SEC14L3: variants seen among roughly 807,000 people sequenced by gnomAD.
The protein encoded by SEC14L3 is SEC14 like lipid binding 3.
A neutral mutation model predicts 57.4 loss-of-function variants in SEC14L3; 56 were observed. The ratio of observed to expected loss-of-function variants is 0.97; its 90% CI spans 0.79 to 1.22. The LOEUF (loss-of-function observed/expected upper bound fraction) is 1.22. Among genes scored for constraint, SEC14L3 ranks in the 50% most tolerant of loss-of-function variants. SEC14L3 has a pLI of 0.00. For synonymous variants in SEC14L3, 173 were observed against 194.4 expected (o/e 0.89, Z 0.92); for missense variants, 485 against 511.7 (o/e 0.95, Z 0.50).
chr22:30,455,415 A>G (rs1834358820), downstream of SEC14L3, among the ~76,000 whole-genome samples: 1 of 150,226 alleles, frequency 6.7e-6, no homozygotes, highest in African/African-American at 2.5e-5. Context: ...CGCCCAGCTA[A>G]TTTTTATATT....
rs201703799 is a variant in SEC14L3 at position 30,461,624 on chromosome 22, G to A, written c.842C>T (p.Ser281Leu). The A allele has an allele frequency of 7.7e-5, 125 of 1,614,038 alleles. No individual in the cohort carries two copies. The highest frequency in any genetic ancestry group is 1.6e-4 in the Middle Eastern group (1 of 6,062). ...TGATGAGCCGCGGTTGATCTGCACC[G>A]AGTGCTCGTACTGAGTCTTCACCTG... is the stretch of plus-strand genomic sequence containing the variant. ...RDQVKTQYEH[S>L]VQINRGSSHQ... The change falls in exon 10 of 12, where the codon TCG (serine) becomes TTG (leucine). Residue 281 changes from serine (S) to leucine (L), a missense_variant. By Grantham distance (145) the Ser-to-Leu change is moderately radical. Transcript: ENST00000215812.
At chr22:30,468,281 G>GA (rs1569231362) in intron 5 of SEC14L3, among the ~76,000 whole-genome samples, 1 of 81,826 alleles carries the variant, frequency 1.2e-5, no homozygotes, top group Non-Finnish European at 2.2e-5. Flanking sequence ...TCTGTCTCAA[G>GA]CAAAAAAAAA....
At chr22:30,448,963 A>C in exon 13 of SEC14L3, 1 of 874,540 alleles carries the variant, frequency 1.1e-6, no homozygotes, top group Non-Finnish European at 1.8e-6. Flanking sequence ...CTGAGTATAG[A>C]TAACCCCTCT....
intron 8 of SEC14L3, among the ~76,000 whole-genome samples, chr22:30,464,457 T>C (rs1018945133): frequency 6.6e-6 from 1 of 152,052 alleles, no homozygotes; most frequent in African/African-American, 2.4e-5. Context: ...TTGAGATAGG[T>C]TCTCACTCTG....
chr22:30,469,318 A>AG (rs113132041), intron 4 of SEC14L3, among the ~76,000 whole-genome samples: 106,255 of 151,150 alleles, frequency 0.7, 38,379 homozygotes, highest in African/African-American at 0.86. Context: ...CCAAAAAAAA[A>AG]AAAAAAAAGC....
At chr22:30,464,296 T>A (rs1935350593) in intron 8 of SEC14L3, among the ~76,000 whole-genome samples, 1 of 152,156 alleles carries the variant, frequency 6.6e-6, no homozygotes, top group Admixed American at 6.5e-5. Flanking sequence ...GCAACCAAAC[T>A]GAAACCAGTG....
Position 30,471,056 on chromosome 22 carries a change from T to G in SEC14L3, c.55-474A>C, listed in dbSNP as rs548190280. ...TCCCAGCACTTTAGGAGGCTGAGGT[T>G]GGTGGATCACCTGAGGTCAGGAGTT... On this transcript the variant is annotated intron_variant, in intron 1 of 11. Coordinates refer to ENST00000215812, the MANE Select transcript of SEC14L3 (RefSeq NM_174975.5). 2.1e-3 allele frequency: 668 copies of G among 319,532 alleles called. 2 individuals carry two copies. The highest frequency in any genetic ancestry group is 3.8e-3 in the South Asian group (154 of 40,220). The allele number at this position is 319,532 out of a possible 1,614,324, so 19.8% of individuals were successfully genotyped here. A position where few individuals can be genotyped will look rare whatever the true frequency, so the allele number is the denominator to read the frequency against.
intron 12 of SEC14L3, among the ~76,000 whole-genome samples, chr22:30,452,010 G>GAAAAAAAAAA: frequency 9.1e-6 from 1 of 110,016 alleles, no homozygotes; most frequent in Middle Eastern, 5.1e-3. Context: ...AAAAAAAAAA[G>GAAAAAAAAAA]AAAAAAGAAA....
rs1054729783 is a variant in SEC14L3 at position 30,459,721 on chromosome 22, G to A, written c.*300C>T. On this transcript the variant is annotated 3_prime_UTR_variant, in exon 12 of 12. Coordinates refer to ENST00000215812, the MANE Select transcript of SEC14L3 (RefSeq NM_174975.5). ...TTCAAGCATACACACCTGCCTTAGG[G>A]TAGGTGAGGACAAAGGCTAGGGGAT... The A allele has an allele frequency of 5.6e-6, 6 of 1,077,064 alleles. No homozygotes were observed. In the African/African-American group the frequency reaches 9.7e-5, roughly 17 times the overall value. 66.7% of individuals were successfully genotyped at this position (1,077,064 alleles called of 1,614,324 possible).
intron 1 of SEC14L3, 31 bp downstream of exon 1, chr22:30,471,874 C>G: frequency 6.2e-7 from 1 of 1,613,318 alleles, no homozygotes; most frequent in Non-Finnish European, 8.5e-7. Flanking sequence ...TTCCCCTGGT[C>G]TTCCGGAACT....
intron 4 of SEC14L3, among the ~76,000 whole-genome samples, chr22:30,469,620 C>T (rs1270425744): frequency 1.3e-5 from 2 of 152,202 alleles, no homozygotes; most frequent in East Asian, 3.8e-4. Context: ...TAGGCAATGC[C>T]TTAGGGGGCA....
Position 30,459,757 on chromosome 22 carries a change from A to G in SEC14L3, c.*264T>C. The G allele has an allele frequency of 8.7e-7, 1 of 1,150,020 alleles. No individual in the cohort carries two copies. The highest frequency in any genetic ancestry group is 1.1e-6 in the Non-Finnish European group (1 of 929,682). The allele number at this position is 1,150,020 out of a possible 1,614,324, so 71.2% of individuals were successfully genotyped here. ...CAAAGGCTAGGGGATTCATTTTGCT[A>G]TTTATTGAGTTTCATGACACCCACT... On this transcript the variant is annotated 3_prime_UTR_variant, in exon 12 of 12. Coordinates refer to ENST00000215812, the MANE Select transcript of SEC14L3 (RefSeq NM_174975.5).
intron 8 of SEC14L3, among the ~76,000 whole-genome samples, chr22:30,463,949 CAT>C (rs930558120): frequency 2.6e-5 from 4 of 152,108 alleles, no homozygotes; most frequent in East Asian, 1.9e-4. Flanking sequence ...ATTTATTGTA[CAT>C]ATGTTTTCAT....
In SEC14L3 at chr22:30,461,225, T is replaced by A. The variant is rs1424353141; in HGVS notation, c.1081+85A>T. 5 of 1,479,918 alleles carry A rather than the reference T, an allele frequency of 3.4e-6. No homozygotes were observed. In the Admixed American group the frequency reaches 9.0e-5, roughly 27 times the overall value. The allele number at this position is 1,479,918 out of a possible 1,614,324, so 91.7% of individuals were successfully genotyped here. On this transcript the variant is annotated intron_variant, in intron 11 of 11. Transcript: ENST00000215812. ...TGTGTCCCTGAATGGGGGAGGTGTGTCACTGCCCCTCTGTTTCCTTCTCTA... is the reference window on the plus strand; with the variant it reads ...TGTGTCCCTGAATGGGGGAGGTGTGACACTGCCCCTCTGTTTCCTTCTCTA...
At chr22:30,468,992 C>T (rs1935517590) in intron 4 of SEC14L3, 14 of 1,406,130 alleles carry the variant, frequency 1.0e-5, no homozygotes, top group Non-Finnish European at 1.3e-5. Context: ...TGATGGAGAA[C>T]ACAGATTCTG....
intron 7 of SEC14L3, 104 bp downstream of exon 7, chr22:30,466,230 A>T (rs936266959): frequency 6.3e-6 from 7 of 1,110,460 alleles, no homozygotes; most frequent in Non-Finnish European, 8.0e-6. Flanking sequence ...CAGCCAAGAA[A>T]CCAACCTGCC....
At chr22:30,452,875 T>G (rs1169020020) in intron 12 of SEC14L3, among the ~76,000 whole-genome samples, 1 of 151,950 alleles carries the variant, frequency 6.6e-6, no homozygotes, top group African/African-American at 2.4e-5. Context: ...CACCATGGCT[T>G]GCTAATTTTT....
chr22:30,466,925 G>T, intron 6 of SEC14L3, 57 bp downstream of exon 6: 1 of 1,536,770 alleles, frequency 6.5e-7, no homozygotes, highest in South Asian at 1.2e-5. Flanking sequence ...GCTGGGTCAT[G>T]GCAGGCCAAG....
At chr22:30,452,338 T>G (rs1370293466) in intron 12 of SEC14L3, among the ~76,000 whole-genome samples, 1 of 143,486 alleles carries the variant, frequency 7.0e-6, no homozygotes. Flanking sequence ...AACCTCCGCC[T>G]CCCGGGTTCG....
Sources: allele counts gnomAD v4.1 joint callset (sites outside exome capture counted in the v4.1 genomes callset), GRCh38; gene constraint gnomAD v4.1.1; transcripts MANE v1.5; gene names NCBI Gene and HGNC (gene_info 2026-07-23, HGNC 2026-07-21).